Variants in NFIL3 observed in about 807,000 individuals in gnomAD.
NFIL3 encodes the protein nuclear factor interleukin-3-regulated protein.
Under a neutral mutation model 10.0 loss-of-function variants are expected in NFIL3, and 5 were observed. The ratio of observed to expected loss-of-function variants is 0.50; its 90% CI spans 0.26 to 1.06. NFIL3 has a LOEUF of 1.06. Among genes scored for constraint, NFIL3 ranks in the 50% least tolerant of loss-of-function variants. The pLI, the probability that NFIL3 is intolerant of heterozygous loss-of-function variation, is 0.13. For synonymous variants in NFIL3, 202 were observed against 206.5 expected (o/e 0.98, Z 0.19); for missense variants, 436 against 547.6 (o/e 0.80, Z 2.03).
the NFIL3 span, among the ~76,000 whole-genome samples, chr9:91,451,758 G>A: frequency 6.6e-6 from 1 of 152,278 alleles, no homozygotes; most frequent in African/African-American, 2.4e-5. Context: ...ATTCATCATG[G>A]ACTGTTTAAA....
chr9:91,433,274 T>G, the NFIL3 span, among the ~76,000 whole-genome samples: 5 of 152,246 alleles, frequency 3.3e-5, no homozygotes, highest in African/African-American at 1.2e-4. Context: ...CATTTATTGC[T>G]GTGACTATCG....
At chr9:91,480,724 A>G in the NFIL3 span, among the ~76,000 whole-genome samples, 3 of 152,344 alleles carry the variant, frequency 2.0e-5, no homozygotes, top group South Asian at 6.2e-4. Flanking sequence ...GACCAAGAAG[A>G]CCTCATAAAT....
Position 91,410,216 on chromosome 9 carries a change from A to T in NFIL3, c.519T>A (p.Ser173Arg), listed in dbSNP as rs763712232. The change falls in exon 2 of 2, where the codon AGT becomes AGA. Residue 173 changes from serine (S) to arginine (R), a missense_variant. Ser to Arg is a moderately radical substitution (Grantham distance 110, BLOSUM62 -1). This residue lies in a region of NFIL3 where 338 missense variants were observed against 399.9 expected (regional missense o/e 0.85). Transcript: ENST00000297689. This position sits in a 1 kb window ranked among gnomAD's most constrained non-coding sequence, Gnocchi z 5.7. ...AGTGTTTAATGACAGAAATACAACT[A>T]CTTGACACCATCGAGGGTTCGTGCT... ...VDEHEPSMVS[S>R]SCISVIKHSP... 1 of 1,614,098 alleles carries T rather than the reference A, an allele frequency of 6.2e-7. No homozygotes were observed. Among genetic ancestry groups the T allele is most frequent in the Non-Finnish European group, 8.5e-7 (1 of 1,179,996 alleles).
the NFIL3 span, among the ~76,000 whole-genome samples, chr9:91,460,639 G>A: frequency 0.17 from 25,266 of 151,980 alleles, 2,631 homozygotes; most frequent in East Asian, 0.4. Flanking sequence ...GACAGGAGAT[G>A]GAATGTTTAT....
the NFIL3 span, among the ~76,000 whole-genome samples, chr9:91,473,584 A>G: frequency 6.6e-6 from 1 of 152,180 alleles, no homozygotes; most frequent in Non-Finnish European, 1.5e-5. Flanking sequence ...TTAGGGCGGG[A>G]GTGTCCCAGT....
the NFIL3 span, among the ~76,000 whole-genome samples, chr9:91,480,494 A>C: frequency 1.3e-5 from 2 of 152,216 alleles, no homozygotes; most frequent in Admixed American, 1.3e-4. Flanking sequence ...TTTAGAAAAA[A>C]ATGTTAAATT....
At chr9:91,449,968 T>C in the NFIL3 span, among the ~76,000 whole-genome samples, 1 of 152,142 alleles carries the variant, frequency 6.6e-6, no homozygotes, top group Admixed American at 6.5e-5. Flanking sequence ...CCATTTCACC[T>C]AGATTATCTA....
chr9:91,446,721 T>C, the NFIL3 span, among the ~76,000 whole-genome samples: 1 of 152,298 alleles, frequency 6.6e-6, no homozygotes, highest in African/African-American at 2.4e-5. Context: ...ATACGTGCTC[T>C]TGTGTCTAGC....
intron 1 of NFIL3, among the ~76,000 whole-genome samples, chr9:91,417,829 C>T (rs1833686781): frequency 6.6e-6 from 1 of 152,164 alleles, no homozygotes; most frequent in Non-Finnish European, 1.5e-5. Flanking sequence ...CACACTCTCG[C>T]ACACTGCCAG....
the NFIL3 span, among the ~76,000 whole-genome samples, chr9:91,476,428 C>T: frequency 2.6e-5 from 4 of 152,112 alleles, no homozygotes; most frequent in African/African-American, 9.7e-5. Flanking sequence ...CAAAAATTAG[C>T]TGGGTGTGGT....
chr9:91,424,818 C>A (rs879885691), upstream of NFIL3, among the ~76,000 whole-genome samples: 2 of 152,238 alleles, frequency 1.3e-5, no homozygotes, highest in Non-Finnish European at 1.5e-5. Flanking sequence ...CGCGGGATCT[C>A]TTCCTGTGAT....
chr9:91,471,968 A>G, the NFIL3 span, among the ~76,000 whole-genome samples: 14,995 of 152,120 alleles, frequency 0.099, 780 homozygotes, highest in East Asian at 0.23. Flanking sequence ...TATGAAGCTT[A>G]GTTTGGCTGG....
chr9:91,446,159 A>C, the NFIL3 span, among the ~76,000 whole-genome samples: 1 of 152,320 alleles, frequency 6.6e-6, no homozygotes, highest in East Asian at 1.9e-4. Context: ...TGAAGAATGC[A>C]GATGTCCACA....
At chr9:91,463,177 C>T in the NFIL3 span, among the ~76,000 whole-genome samples, 1 of 151,680 alleles carries the variant, frequency 6.6e-6, no homozygotes, top group Non-Finnish European at 1.5e-5. Flanking sequence ...TTCTTATTTT[C>T]AATTTCATTG....
intron 1 of NFIL3, among the ~76,000 whole-genome samples, chr9:91,420,645 G>A (rs1833745022): frequency 1.3e-5 from 2 of 152,208 alleles, no homozygotes; most frequent in Admixed American, 6.5e-5. Flanking sequence ...AGGGATAGCG[G>A]TGTAGGGTAT....
the NFIL3 span, among the ~76,000 whole-genome samples, chr9:91,458,317 A>G: frequency 6.6e-6 from 1 of 152,234 alleles, no homozygotes; most frequent in African/African-American, 2.4e-5. Context: ...CAATTTCATT[A>G]TGAGATTCAG....
At chr9:91,454,511 C>G in the NFIL3 span, among the ~76,000 whole-genome samples, 1 of 152,062 alleles carries the variant, frequency 6.6e-6, no homozygotes, top group Middle Eastern at 3.4e-3. Context: ...TTCAATTACC[C>G]CAAAGTGATT....
chr9:91,435,198 C>T, the NFIL3 span, among the ~76,000 whole-genome samples: 2 of 152,126 alleles, frequency 1.3e-5, no homozygotes, highest in Non-Finnish European at 2.9e-5. Flanking sequence ...GATATTCAGT[C>T]CTCTAAATGA....
At chr9:91,435,154 G>A in the NFIL3 span, among the ~76,000 whole-genome samples, 1 of 152,078 alleles carries the variant, frequency 6.6e-6, no homozygotes. Context: ...GCAAGTATTT[G>A]CTATGTCAAG....
Sources: gnomAD v4.1 joint callset for allele counts (sites outside exome capture counted in the v4.1 genomes callset) on GRCh38, gnomAD v4.1.1 for gene constraint, gnomAD v4.1.1 regional missense constraint, Gnocchi (gnomAD v3.1) non-coding constraint, MANE v1.5 for transcripts, NCBI Gene and HGNC (gene_info 2026-07-23, HGNC 2026-07-21) for gene names.